KLF13: variants seen among roughly 807,000 people sequenced by gnomAD.
KLF13 encodes KLF transcription factor 13, also known as Krueppel-like factor 13.
KLF13 carries 8 observed loss-of-function variants against 16.7 expected under a neutral mutation model. That is an observed-to-expected ratio of 0.48 (90% CI 0.28 to 0.87). KLF13 has a LOEUF of 0.87. KLF13 is among the 40% of genes least tolerant of loss of function. KLF13 has a pLI of 0.10. For synonymous variants in KLF13, 245 were observed against 208.4 expected (o/e 1.18, Z -1.51); for missense variants, 447 against 452.2 (o/e 0.99, Z 0.10).
chr15:31,417,709 T>C (rs1595509931), intron 1 of KLF13, among the ~76,000 whole-genome samples: 1 of 151,754 alleles, frequency 6.6e-6, no homozygotes, highest in African/African-American at 2.4e-5. Flanking sequence ...GCTTTGCTAA[T>C]TTTTGTATTT....
At chr15:31,392,079 C>G (rs1219370655), upstream of KLF13, among the ~76,000 whole-genome samples, 1 of 151,988 alleles carries the variant, frequency 6.6e-6, no homozygotes, top group Non-Finnish European at 1.5e-5. Flanking sequence ...CCCCGACCCC[C>G]GGGTCGCGGT....
At chr15:31,369,265 T>C (rs2039520939) in intron 1 of KLF13, among the ~76,000 whole-genome samples, 1 of 152,242 alleles carries the variant, frequency 6.6e-6, no homozygotes. Flanking sequence ...TTTATAGGAT[T>C]GGTTCTGAAA....
chr15:31,335,620 G>A (rs547723994), intron 1 of KLF13, among the ~76,000 whole-genome samples: 1 of 152,192 alleles, frequency 6.6e-6, no homozygotes, highest in South Asian at 2.1e-4. Context: ...TCTGTTTATT[G>A]TTCTCCATTT....
At chr15:31,412,893 T>C (rs2040211484) in intron 1 of KLF13, among the ~76,000 whole-genome samples, 1 of 152,170 alleles carries the variant, frequency 6.6e-6, no homozygotes, top group South Asian at 2.1e-4. Context: ...TAAACCAGGC[T>C]GGATAGTTTT....
chr15:31,362,006 C>G (rs774399741), intron 1 of KLF13, among the ~76,000 whole-genome samples: 12 of 152,242 alleles, frequency 7.9e-5, no homozygotes, highest in Admixed American at 2.0e-4. Context: ...TCATGAGCCC[C>G]TACAGTGGCA....
At chr15:31,410,582 AACACACACACACACACACACAC>A (rs71110871) in intron 1 of KLF13, among the ~76,000 whole-genome samples, 4 of 146,936 alleles carry the variant, frequency 2.7e-5, no homozygotes, top group African/African-American at 5.1e-5. Context: ...AACACCAACC[AACACACACACACACACACACAC>A]ACACACACAC....
chr15:31,355,699 G>A (rs1413043448), intron 1 of KLF13, among the ~76,000 whole-genome samples: 1 of 152,142 alleles, frequency 6.6e-6, no homozygotes, highest in African/African-American at 2.4e-5. Context: ...GAGCCAGCAT[G>A]CGGTATTTTG....
At chr15:31,348,618 A>G (rs985501181) in intron 1 of KLF13, among the ~76,000 whole-genome samples, 43 of 151,246 alleles carry the variant, frequency 2.8e-4, no homozygotes, top group Non-Finnish European at 5.6e-4. Context: ...TGATGTCCGC[A>G]TTTTTTAGAC....
chr15:31,415,785 G>C (rs908720818), intron 1 of KLF13, among the ~76,000 whole-genome samples: 2 of 151,596 alleles, frequency 1.3e-5, no homozygotes, highest in Non-Finnish European at 1.5e-5. Context: ...GATTAGAATA[G>C]AAATCAATGA....
intron 1 of KLF13, among the ~76,000 whole-genome samples, chr15:31,362,039 C>T (rs2039398741): frequency 6.6e-6 from 1 of 152,132 alleles, no homozygotes; most frequent in East Asian, 1.9e-4. Flanking sequence ...ATCCTAGTGG[C>T]TGGATGGACT....
At chr15:31,404,473 T>C (rs1037405291) in exon 3 of KLF13, 4 of 152,244 alleles carry the variant, frequency 2.6e-5, no homozygotes, top group Non-Finnish European at 5.9e-5. Context: ...TAGAGGTTTC[T>C]AAAATGGACC....
chr15:31,355,855 C>G (rs1241309198), intron 1 of KLF13, among the ~76,000 whole-genome samples: 1 of 151,866 alleles, frequency 6.6e-6, no homozygotes, highest in Admixed American at 6.6e-5. Flanking sequence ...CCCCACACAC[C>G]CAGTGTGGCC....
chr15:31,340,101 G>A (rs1457080186), intron 1 of KLF13: 1 of 696,910 alleles, frequency 1.4e-6, no homozygotes, highest in African/African-American at 1.8e-5. Flanking sequence ...TGTTTCCAGG[G>A]TCTCGTCTTC....
intron 1 of KLF13, among the ~76,000 whole-genome samples, chr15:31,434,090 C>A (rs1004274276): frequency 6.6e-6 from 1 of 152,212 alleles, no homozygotes; most frequent in African/African-American, 2.4e-5. Flanking sequence ...AAGAGGCCTG[C>A]CATCATTGCC....
At chr15:31,406,352 C>T (rs1262794531), downstream of KLF13, among the ~76,000 whole-genome samples, 1 of 152,198 alleles carries the variant, frequency 6.6e-6, no homozygotes, top group Non-Finnish European at 1.5e-5. Context: ...CAGCAGGCAC[C>T]TGTAATCCCA....
At chr15:31,342,539 C>G (rs146126222) in intron 1 of KLF13, among the ~76,000 whole-genome samples, 2 of 152,310 alleles carry the variant, frequency 1.3e-5, no homozygotes, top group East Asian at 3.9e-4. Flanking sequence ...CTCATCGCTG[C>G]GGTCGGCATC....
At chr15:31,390,805 C>CGGCATTATCCCTGTGTTT (rs1294198942), upstream of KLF13, among the ~76,000 whole-genome samples, 2 of 151,974 alleles carry the variant, frequency 1.3e-5, no homozygotes, top group South Asian at 2.1e-4. Flanking sequence ...TCTCTGTGTT[C>CGGCATTATCCCTGTGTTT]GGCATTATCC....
At chr15:31,334,872 C>T (rs746072294) in intron 1 of KLF13, among the ~76,000 whole-genome samples, 20 of 152,220 alleles carry the variant, frequency 1.3e-4, no homozygotes, top group Non-Finnish European at 2.6e-4. Context: ...TGGAGACAGC[C>T]ACCAGTGCAG....
intron 1 of KLF13, among the ~76,000 whole-genome samples, chr15:31,367,152 T>C (rs1319841593): frequency 6.6e-6 from 1 of 152,198 alleles, no homozygotes; most frequent in Non-Finnish European, 1.5e-5. Context: ...CTCCCTTCTC[T>C]GGGCTGCTCC....
Sources: allele counts gnomAD v4.1 joint callset (sites outside exome capture counted in the v4.1 genomes callset), GRCh38; gene constraint gnomAD v4.1.1; transcripts MANE v1.5; gene names NCBI Gene and HGNC (gene_info 2026-07-23, HGNC 2026-07-21).